Variants in OPCML observed in about 807,000 individuals in gnomAD.
OPCML encodes the protein opioid-binding protein/cell adhesion molecule.
OPCML carries 13 observed loss-of-function variants against 37.8 expected under a neutral mutation model. The observed-to-expected ratio is 0.34, with a 90% CI of 0.22 to 0.55. The LOEUF (loss-of-function observed/expected upper bound fraction) is 0.55, where lower values mean the gene tolerates loss of function less well. OPCML is among the 20% of genes least tolerant of loss of function. OPCML has a pLI of 0.91. For missense variants in OPCML, 341 were observed against 435.6 expected, an observed-to-expected ratio of 0.78 and a Z score of 1.93; for synonymous variants, 176 against 168.8, an observed-to-expected ratio of 1.04 and a Z score of -0.33.
chr11:132,533,990 C>A (rs1201410972), intron 3 of OPCML, among the ~76,000 whole-genome samples: 2 of 152,170 alleles, frequency 1.3e-5, no homozygotes, highest in Non-Finnish European at 2.9e-5. Flanking sequence ...CATGCAGTAA[C>A]ATCTTCTTTA....
At chr11:133,025,773 G>C (rs560912436) in intron 1 of OPCML, among the ~76,000 whole-genome samples, 1 of 125,260 alleles carries the variant, frequency 8.0e-6, no homozygotes, top group Non-Finnish European at 1.6e-5. Flanking sequence ...TCGATCTGTC[G>C]CCCAGGCTGG....
At chr11:132,872,781 C>T (rs1455987794) in intron 2 of OPCML, among the ~76,000 whole-genome samples, 1 of 152,058 alleles carries the variant, frequency 6.6e-6, no homozygotes, top group Non-Finnish European at 1.5e-5. Flanking sequence ...ATGAAGAGGG[C>T]TCCCCATTCC....
intron 3 of OPCML, among the ~76,000 whole-genome samples, chr11:132,588,006 G>T (rs1016452447): frequency 3.3e-5 from 5 of 152,044 alleles, no homozygotes; most frequent in Admixed American, 3.3e-4. Context: ...CCTCCCCTTG[G>T]GGATACAGAA....
chr11:132,450,173 T>C (rs1239671633), intron 4 of OPCML, among the ~76,000 whole-genome samples: 1 of 152,180 alleles, frequency 6.6e-6, no homozygotes, highest in East Asian at 1.9e-4. Context: ...ATCACTACAC[T>C]CCAGGCCTTG....
At chr11:132,641,166 A>C (rs1211492793) in intron 3 of OPCML, among the ~76,000 whole-genome samples, 1 of 152,102 alleles carries the variant, frequency 6.6e-6, no homozygotes, top group Non-Finnish European at 1.5e-5. Flanking sequence ...GGCTCACCTT[A>C]CTCAGGAAAC....
chr11:133,083,195 G>A (rs1948766281), intron 1 of OPCML, among the ~76,000 whole-genome samples: 1 of 152,174 alleles, frequency 6.6e-6, no homozygotes, highest in South Asian at 2.1e-4. Context: ...AGTCACTGGG[G>A]CGCCGCTCGC....
At chr11:133,328,468 A>G (rs1943533526) in intron 1 of OPCML, among the ~76,000 whole-genome samples, 1 of 152,122 alleles carries the variant, frequency 6.6e-6, no homozygotes, top group African/African-American at 2.4e-5. Flanking sequence ...TTAAAGATTA[A>G]TTGATATAAT....
chr11:132,860,726 G>A (rs1489845609), intron 2 of OPCML: 2 of 152,168 alleles, frequency 1.3e-5, no homozygotes, highest in African/African-American at 4.8e-5. Context: ...AAAGCTGTTT[G>A]AACGCTTGGG....
chr11:133,428,489 T>C (rs1366792319), intron 1 of OPCML, among the ~76,000 whole-genome samples: 1 of 152,218 alleles, frequency 6.6e-6, no homozygotes. Context: ...TATTGAACAA[T>C]GTTGCTGATA....
At chr11:132,443,273 C>G (rs935419374) in intron 4 of OPCML, among the ~76,000 whole-genome samples, 2 of 152,084 alleles carry the variant, frequency 1.3e-5, no homozygotes, top group African/African-American at 2.4e-5. Context: ...GGCAGCCACA[C>G]AGGGAGGACA....
intron 1 of OPCML, among the ~76,000 whole-genome samples, chr11:132,970,559 T>C (rs1281663565): frequency 5.3e-5 from 8 of 152,216 alleles, no homozygotes; most frequent in African/African-American, 1.9e-4. Context: ...TTATTTATTG[T>C]GGCATTCATG....
intron 1 of OPCML, among the ~76,000 whole-genome samples, chr11:133,501,545 A>G (rs1247411710): frequency 1.3e-5 from 2 of 152,234 alleles, no homozygotes; most frequent in African/African-American, 4.8e-5. Flanking sequence ...AAGAAGACAT[A>G]GTCCCATGGG....
At chr11:132,486,743 CATATTTT>C (rs1448061869) in intron 4 of OPCML, among the ~76,000 whole-genome samples, 2 of 151,670 alleles carry the variant, frequency 1.3e-5, no homozygotes, top group Non-Finnish European at 2.9e-5. Context: ...TTCCTCACAA[CATATTTT>C]GGGAAATGTT....
intron 2 of OPCML, among the ~76,000 whole-genome samples, chr11:132,909,786 G>T (rs1944362485): frequency 6.6e-6 from 1 of 152,160 alleles, no homozygotes; most frequent in African/African-American, 2.4e-5. Context: ...ATATGCAGCG[G>T]ATGTGGCATT....
intron 1 of OPCML, among the ~76,000 whole-genome samples, chr11:133,011,222 A>G (rs901892632): frequency 5.9e-5 from 9 of 152,230 alleles, no homozygotes; most frequent in African/African-American, 2.2e-4. Flanking sequence ...GGCCCTTTCT[A>G]TGGAGTCTAA....
intron 1 of OPCML, among the ~76,000 whole-genome samples, chr11:133,437,661 C>A (rs1360046501): frequency 6.8e-6 from 1 of 146,732 alleles, no homozygotes; most frequent in African/African-American, 2.6e-5. Flanking sequence ...CTCACCTCTC[C>A]CCTCTCAACC....
At chr11:133,266,010 G>A (rs759298225) in intron 1 of OPCML, among the ~76,000 whole-genome samples, 3 of 151,852 alleles carry the variant, frequency 2.0e-5, no homozygotes, top group Non-Finnish European at 4.4e-5. Flanking sequence ...GAGAAATGAG[G>A]CACACAGGCC....
intron 1 of OPCML, among the ~76,000 whole-genome samples, chr11:133,405,928 G>A (rs960794566): frequency 2.6e-5 from 4 of 152,010 alleles, no homozygotes; most frequent in Non-Finnish European, 4.4e-5. Flanking sequence ...CATGACCTCC[G>A]CTGGCCACTT....
Position 132,802,445 on chromosome 11 carries a change from T to G in OPCML, c.146+140481A>C, listed in dbSNP as rs73585642. Among the ~76,000 whole-genome samples, 670 of 152,302 alleles carry G rather than the reference T, an allele frequency of 4.4e-3. 4 individuals carry two copies. The highest frequency in any genetic ancestry group is 0.014 in the African/African-American group (569 of 41,568). On this transcript the variant is annotated intron_variant, in intron 2 of 7. Transcript: ENST00000524381. Reference sequence around the variant, plus strand: ...GCCTGGTCTATGCTCACTAGCCTTCTGGTACTCCATCAACGTTGGTTCAAG... The same window carrying G: ...GCCTGGTCTATGCTCACTAGCCTTCGGGTACTCCATCAACGTTGGTTCAAG...
Sources: gnomAD v4.1 joint callset for allele counts (sites outside exome capture counted in the v4.1 genomes callset) on GRCh38, gnomAD v4.1.1 for gene constraint, MANE v1.5 for transcripts, NCBI Gene and HGNC (gene_info 2026-07-23, HGNC 2026-07-21) for gene names.